Variants in MYO7B observed in about 807,000 individuals in gnomAD.
MYO7B encodes unconventional myosin-VIIb.
Under a neutral mutation model 259.7 loss-of-function variants are expected in MYO7B, and 212 were observed. The ratio of observed to expected loss-of-function variants is 0.82; its 90% CI spans 0.73 to 0.91. The LOEUF is 0.91. Ranked by LOEUF, MYO7B falls within the 40% of genes least tolerant of loss-of-function variation. The probability of loss-of-function intolerance (pLI) is 0.00; values close to 1 mark genes in which losing one functional copy is unlikely to be tolerated. For synonymous variants in MYO7B, 1,197 were observed against 1,166.4 expected (o/e 1.03, Z -0.54); for missense variants, 2,732 against 2,813.5 (o/e 0.97, Z 0.66).
intron 34 of MYO7B, among the ~76,000 whole-genome samples, chr2:127,629,369 T>C (rs1324706454): frequency 6.6e-6 from 1 of 152,132 alleles, no homozygotes; most frequent in Non-Finnish European, 1.5e-5. Flanking sequence ...CATCCCTGGC[T>C]CCTGGTCAGC....
rs1448970682 is a variant in MYO7B at position 127,607,284 on chromosome 2, A to C, written c.2503A>C (p.Arg835=). 6.4e-6 allele frequency: 10 copies of C among 1,551,314 alleles called. No individual in the cohort carries two copies. Among genetic ancestry groups the C allele is most frequent in the Non-Finnish European group, 7.8e-6 (9 of 1,146,972 alleles). ...GAGGCAGTACCAGGCCATGCGGCAG[A>C]GGACAGTCCAGCTGCAGGCCCTGTG... is the stretch of plus-strand genomic sequence containing the variant. The part of the protein sequence containing the change: ...LARQYQAMRQ[R]TVQLQALCRG... Residue 835 remains arginine, a synonymous_variant, in exon 21 of 48, where the codon AGG becomes CGG. Transcript: ENST00000409816. This position sits in a 1 kb window ranked among gnomAD's most constrained non-coding sequence, Gnocchi z 4.4.
At chr2:127,571,442 G>GTTTTTTTTTTTGTTTTTTT (rs1553448472) in intron 6 of MYO7B, among the ~76,000 whole-genome samples, 10 of 41,962 alleles carry the variant, frequency 2.4e-4, no homozygotes, top group African/African-American at 4.1e-4. Flanking sequence ...TTACCAGTGA[G>GTTTTTTTTTTTGTTTTTTT]TTTTTTTTTT....
intron 9 of MYO7B, among the ~76,000 whole-genome samples, chr2:127,578,528 C>T (rs1478208436): frequency 2.6e-5 from 4 of 152,154 alleles, no homozygotes; most frequent in African/African-American, 9.7e-5. Context: ...TAGCTGGGAC[C>T]CAAAAGGGCT....
In MYO7B at chr2:127,623,364, G is replaced by A. The variant is rs745896234; in HGVS notation, c.3808G>A (p.Val1270Met). The A allele has an allele frequency of 3.7e-5, 59 of 1,591,094 alleles. No individual in the cohort carries two copies. Among genetic ancestry groups the A allele is most frequent in the Middle Eastern group, 3.3e-4 (2 of 5,974 alleles). ...DHLGFSLQVAVYDKFWSLGSG... is the reference protein window; with the variant it reads ...DHLGFSLQVAMYDKFWSLGSG... ...CCTGGGCTTCTCCCTCCAGGTCGCC[G>A]TGTACGACAAGGTACCAGCCAGGCA... Residue 1270 changes from valine (V) to methionine (M), a missense_variant, in exon 29 of 48, where the codon GTG becomes ATG. Around this residue, in one of 3 missense-constraint regions of MYO7B, gnomAD observed 1,906 missense variants for 2,026.4 expected, o/e 0.94. Transcript: ENST00000409816.
Position 127,629,673 on chromosome 2 carries a change from G to A in MYO7B, c.4653G>A (p.Lys1551=), listed in dbSNP as rs1298807191. ...TDDTTLLAFK[K]GDLLVLTKKQ... is the part of the protein sequence containing the mutation. ...ACACCACCCTCCTGGCCTTCAAGAAGGGGGACCTGTTGGTCCTCACAAAGA... is the reference window on the plus strand; with the variant it reads ...ACACCACCCTCCTGGCCTTCAAGAAAGGGGACCTGTTGGTCCTCACAAAGA... Residue 1551 remains lysine, a synonymous_variant, in exon 35 of 48, where the codon AAG becomes AAA. Coordinates refer to ENST00000409816, the MANE Select transcript of MYO7B (RefSeq NM_001393586.1). The A allele has an allele frequency of 1.2e-6, 2 of 1,612,376 alleles. No individual in the cohort carries two copies. The highest frequency in any genetic ancestry group is 3.3e-5 in the Admixed American group (2 of 59,908).
At position 127,588,398 on chromosome 2, in the gene MYO7B, T is replaced by C. The variant is rs2104956942; in HGVS notation, c.1697T>C (p.Leu566Pro). 6.2e-7 allele frequency: 1 copy of C among 1,612,676 alleles called. No homozygotes were observed. Among genetic ancestry groups the C allele is most frequent in the Non-Finnish European group, 8.5e-7 (1 of 1,179,712 alleles). The change falls in exon 15 of 48, where the codon CTG becomes CCG. Residue 566 changes from leucine to proline, a missense_variant. Physicochemically the swap from Leu to Pro is moderately conservative, Grantham distance 98. This residue lies in a region of MYO7B where 1,906 missense variants were observed against 2,026.4 expected (regional missense o/e 0.94). Coordinates refer to ENST00000409816, the MANE Select transcript of MYO7B (RefSeq NM_001393586.1). ...GEVYYQAEGF[L>P]EKNRDVLSTD... ...GGGCCCTGTGTCTCCACAGGCTTCC[T>C]GGAGAAGAACCGAGACGTGCTGAGC...
chr2:127,588,276 A>G, intron 14 of MYO7B, 116 bp from the exon 15 acceptor site: 3 of 1,221,466 alleles, frequency 2.5e-6, no homozygotes, highest in African/African-American at 3.0e-5. Context: ...TAGTGGGGCC[A>G]TTGTAGGAGG....
Position 127,628,255 on chromosome 2 carries a change from C to A in MYO7B, c.4461-117C>A. 1.6e-6 allele frequency: 2 copies of A among 1,264,542 alleles called. No individual in the cohort carries two copies. The highest frequency in any genetic ancestry group is 1.5e-5 in the African/African-American group (1 of 67,956). 78.3% of individuals were successfully genotyped at this position (1,264,542 alleles called of 1,614,324 possible). A position where few individuals can be genotyped will look rare whatever the true frequency, so the allele number is the denominator to read the frequency against. On this transcript the variant is annotated intron_variant, in intron 33 of 47. Transcript: ENST00000409816. The surrounding 1 kb of genome is among the most constrained non-coding windows in gnomAD (Gnocchi z 4.8). The stretch of plus-strand genomic sequence containing the variant: ...TGGCCTAGTCCTGGCCCTGGCAGAG[C>A]AGCTCTGTGTCCTCATCTGTGACTC...
chr2:127,589,788 G>A (rs1679483223), intron 15 of MYO7B, among the ~76,000 whole-genome samples: 2 of 120,788 alleles, frequency 1.7e-5, no homozygotes, highest in African/African-American at 6.4e-5. Context: ...ATGGATGGAC[G>A]CATGGGTGGG....
At chr2:127,537,213 G>T (rs932889063) in intron 1 of MYO7B, among the ~76,000 whole-genome samples, 4 of 152,178 alleles carry the variant, frequency 2.6e-5, no homozygotes, top group Admixed American at 2.6e-4. Flanking sequence ...TATTTTCCTT[G>T]TAAAGGATAG....
At position 127,629,760 on chromosome 2, in the gene MYO7B, G is replaced by A. The variant is rs371914369; in HGVS notation, c.4740G>A (p.Thr1580=). ...TLGQNDRTGK[T]GLVPMACLYT... ...GCCAGAACGACAGGACAGGCAAGAC[G>A]GGGCTGGTGCCCATGGCCTGCCTCT... Residue 1580 remains threonine (T), a synonymous_variant, in exon 35 of 48, where the codon ACG becomes ACA. Transcript: ENST00000409816. 2.1e-4 allele frequency: 343 copies of A among 1,610,688 alleles called. 1 individual carries two copies. Among genetic ancestry groups the A allele is most frequent in the South Asian group, 1.9e-3 (173 of 90,766 alleles).
At position 127,636,922 on chromosome 2, in the gene MYO7B, A is replaced by G. The variant is rs1362624623; in HGVS notation, c.6327+9A>G. Reference sequence around the variant, plus strand: ...TGTGCGAGACCTCCCTGGTGAGCTCAGGTTCTTTCTCCCATCCAAGATGCA... The same window carrying G: ...TGTGCGAGACCTCCCTGGTGAGCTCGGGTTCTTTCTCCCATCCAAGATGCA... On this transcript the variant is annotated intron_variant, in intron 47 of 47. Transcript: ENST00000409816. This position sits in a 1 kb window ranked among gnomAD's most constrained non-coding sequence, Gnocchi z 4.5. The G allele has an allele frequency of 1.9e-6, 3 of 1,610,200 alleles. No homozygotes were observed. Among genetic ancestry groups the G allele is most frequent in the Non-Finnish European group, 2.5e-6 (3 of 1,179,826 alleles).
At chr2:127,635,660 G>C in intron 43 of MYO7B, 62 bp from the exon 44 acceptor site, 1 of 1,506,874 alleles carries the variant, frequency 6.6e-7, no homozygotes, top group Non-Finnish European at 9.0e-7. Flanking sequence ...GAGCGGGAAA[G>C]AGGTTGGGGG....
chr2:127,562,996 T>A (rs1177902923), intron 2 of MYO7B, among the ~76,000 whole-genome samples: 1 of 152,248 alleles, frequency 6.6e-6, no homozygotes, highest in Non-Finnish European at 1.5e-5. Flanking sequence ...GTTTTTATAA[T>A]CAGGGTATGT....
In MYO7B at chr2:127,627,083, A is replaced by T; in HGVS notation, c.4324A>T (p.Thr1442Ser). 7.5e-6 allele frequency: 12 copies of T among 1,610,638 alleles called. No individual in the cohort carries two copies. The highest frequency in any genetic ancestry group is 1.0e-5 in the Non-Finnish European group (12 of 1,178,848). Residue 1442 changes from threonine to serine, a missense_variant, in exon 32 of 48, where the codon ACA (threonine) becomes TCA (serine). This residue lies in a region of MYO7B where 1,906 missense variants were observed against 2,026.4 expected (regional missense o/e 0.94). Transcript: ENST00000409816. This position sits in a 1 kb window ranked among gnomAD's most constrained non-coding sequence, Gnocchi z 5.6. ...LLFSRLFEVI[T>S]LSGPRLPKTQ... ...CTTCTCCCGGCTCTTCGAAGTCATC[A>T]CACTCTCAGGTAATGGCATCTGACA...
chr2:127,607,453 G>A lies in MYO7B; in HGVS notation c.2643+29G>A, dbSNP rs1017788994. On this transcript the variant is annotated intron_variant, in intron 21 of 47. Transcript: ENST00000409816. The surrounding 1 kb of genome is among the most constrained non-coding windows in gnomAD (Gnocchi z 4.4). ...GGTGGTCACCTGGCCTCTTGGGCAG[G>A]TGGGGCTGGCTGGGGCCCCAGTGGG... The A allele has an allele frequency of 4.5e-6, 7 of 1,546,954 alleles. No homozygotes were observed. The Admixed American group carries it at 1.4e-4, about 30-fold the overall frequency.
intron 1 of MYO7B, among the ~76,000 whole-genome samples, chr2:127,543,877 T>C (rs1356900023): frequency 6.6e-6 from 1 of 152,036 alleles, no homozygotes; most frequent in Non-Finnish European, 1.5e-5. Flanking sequence ...CCCAAATAGC[T>C]GGGACTACAG....
At chr2:127,632,879 A>G (rs547186400) in intron 39 of MYO7B, among the ~76,000 whole-genome samples, 1 of 152,288 alleles carries the variant, frequency 6.6e-6, no homozygotes, top group East Asian at 1.9e-4. Context: ...CCATAATTTC[A>G]GTGGCAGCCG....
Position 127,618,238 on chromosome 2 carries a change from G to A in MYO7B, c.3399-2102G>A, listed in dbSNP as rs143404017. Among the ~76,000 whole-genome samples, 927 of 152,228 alleles carry A rather than the reference G, an allele frequency of 6.1e-3. 10 individuals are homozygous for A. The highest frequency in any genetic ancestry group is 0.021 in the African/African-American group (876 of 41,520). ...GTTACTACTGTCACTACTTGAGACC[G>A]TCATTACGAGACGGAACGAAGGGGG... is the stretch of plus-strand genomic sequence containing the variant. On this transcript the variant is annotated intron_variant, in intron 26 of 47. Coordinates refer to ENST00000409816, the MANE Select transcript of MYO7B (RefSeq NM_001393586.1).
Sources: allele counts gnomAD v4.1 joint callset (sites outside exome capture counted in the v4.1 genomes callset), GRCh38; gene constraint gnomAD v4.1.1; regional missense constraint gnomAD v4.1.1; non-coding constraint Gnocchi (gnomAD v3.1); transcripts MANE v1.5; gene names NCBI Gene and HGNC (gene_info 2026-07-23, HGNC 2026-07-21).